UBE2O: variants seen among roughly 807,000 people sequenced by gnomAD.
The protein encoded by UBE2O is ubiquitin conjugating enzyme E2 O, also known as (E3-independent) E2 ubiquitin-conjugating enzyme.
Under a neutral mutation model 125.8 loss-of-function variants are expected in UBE2O, and 15 were observed. That is an observed-to-expected ratio of 0.12 (90% CI 0.08 to 0.18). The LOEUF (loss-of-function observed/expected upper bound fraction) is 0.18. UBE2O is among the 10% of genes least tolerant of loss of function. The pLI is 1.00. For synonymous variants in UBE2O, 708 were observed against 703.2 expected, an observed-to-expected ratio of 1.01 and a Z score of -0.11; for missense variants, 1,280 against 1,723.6, an observed-to-expected ratio of 0.74 and a Z score of 4.56.
In UBE2O at chr17:76,452,686, C is replaced by G; in HGVS notation, c.417+39G>C. On this transcript the variant is annotated intron_variant, in intron 1 of 17. Transcript: ENST00000319380. The surrounding 1 kb of genome is among the most constrained non-coding windows in gnomAD (Gnocchi z 4.4). ...CCCTGGCCTCGGCCCGGCCGCCGAC[C>G]CCCTGCCGCCCGCGCCGCCCAGCCC... 7.4e-7 allele frequency: 1 copy of G among 1,348,512 alleles called. No homozygotes were observed. The allele number at this position is 1,348,512 out of a possible 1,614,324, so 83.5% of individuals were successfully genotyped here.
intron 1 of UBE2O, among the ~76,000 whole-genome samples, chr17:76,424,864 T>A (rs76520700): frequency 2.3e-4 from 34 of 150,476 alleles, no homozygotes; most frequent in African/African-American, 6.8e-4. Flanking sequence ...TTTTTTTTTA[T>A]TTTTTATTTT....
In UBE2O at chr17:76,399,915, G is replaced by C. The variant is rs770891960; in HGVS notation, c.1162C>G (p.Arg388Gly). 9 of 1,600,512 alleles carry C rather than the reference G, an allele frequency of 5.6e-6. No homozygotes were observed. ...GEGSMAKKVK[R>G]LLKKQVVRIM... ...CGCACAACCTGCTTCTTCAACAGGC[G>C]CTTCACCTGCAAGGGCGGAGCAGAG... The change falls in exon 9 of 18, where the codon CGC (arginine) becomes GGC (glycine). Residue 388 changes from arginine (R) to glycine (G), a missense_variant. By Grantham distance (125) the Arg-to-Gly change is moderately radical. Around this residue, in one of 10 missense-constraint regions of UBE2O, gnomAD observed 141 missense variants for 141.3 expected, o/e 1.00. Coordinates refer to ENST00000319380, the MANE Select transcript of UBE2O (RefSeq NM_022066.4). This position sits in a 1 kb window ranked among gnomAD's most constrained non-coding sequence, Gnocchi z 6.9.
intron 1 of UBE2O, among the ~76,000 whole-genome samples, chr17:76,413,414 A>G (rs941763035): frequency 6.6e-6 from 1 of 152,302 alleles, no homozygotes; most frequent in Admixed American, 6.5e-5. Flanking sequence ...AGTGGGTTAT[A>G]GAACCAATTT....
rs760107639 is a variant in UBE2O at position 76,399,598 on chromosome 17, C to A, written c.1479G>T (p.Ser493=). 1 of 1,614,156 alleles carries A rather than the reference C, an allele frequency of 6.2e-7. No individual in the cohort carries two copies. The highest frequency in any genetic ancestry group is 8.5e-7 in the Non-Finnish European group (1 of 1,180,020). Reference sequence around the variant, plus strand: ...TGGTGGAGCTGGCAGAGGAGGTCACCGAACTGGTGTCGTCCGTGTCATCAG... The same window carrying A: ...TGGTGGAGCTGGCAGAGGAGGTCACAGAACTGGTGTCGTCCGTGTCATCAG... ...EAADDTDDTS[S]VTSSASSTTS... Residue 493 remains serine (S), a synonymous_variant, in exon 9 of 18, where the codon TCG becomes TCT. Transcript: ENST00000319380. The surrounding 1 kb of genome is among the most constrained non-coding windows in gnomAD (Gnocchi z 6.9).
In UBE2O at chr17:76,391,281, C is replaced by T. The variant is rs371045437; in HGVS notation, c.3541G>A (p.Gly1181Ser). Residue 1181 changes from glycine to serine, a missense_variant, in exon 18 of 18, where the codon GGC (glycine) becomes AGC (serine). Physicochemically the swap from Gly to Ser is moderately conservative, Grantham distance 56. Around this residue, in one of 10 missense-constraint regions of UBE2O, gnomAD observed 233 missense variants for 279.0 expected, o/e 0.84. Coordinates refer to ENST00000319380, the MANE Select transcript of UBE2O (RefSeq NM_022066.4). The surrounding 1 kb of genome is among the most constrained non-coding windows in gnomAD (Gnocchi z 8.4). The part of the protein sequence containing the change: ...PPAVAELSDS[G>S]QQEPEDGGPA... ...CCTCCATCCTCAGGTTCTTGTTGGC[C>T]GGAGTCTGACAGCTCGGCTACAGCT... 9.2e-5 allele frequency: 148 copies of T among 1,612,802 alleles called. 1 individual carries two copies. In the South Asian group the frequency reaches 9.4e-4, roughly 10 times the overall value.
At position 76,389,920 on chromosome 17, in the gene UBE2O, C is replaced by T. The variant is rs1215093515; in HGVS notation, c.*1023G>A. 5 of 152,682 alleles carry T rather than the reference C, an allele frequency of 3.3e-5. No homozygotes were observed. The highest frequency in any genetic ancestry group is 1.9e-4 in the East Asian group (1 of 5,194). 9.5% of individuals were successfully genotyped at this position (152,682 alleles called of 1,614,324 possible). On this transcript the variant is annotated 3_prime_UTR_variant, in exon 18 of 18. Transcript: ENST00000319380. ...TGCAATGTGCTCAACAGCATCCTCT[C>T]GGCCTGGAGCTTCACATTATCAAAA...
intron 1 of UBE2O, among the ~76,000 whole-genome samples, chr17:76,441,201 T>C (rs577339762): frequency 2.3e-4 from 35 of 152,246 alleles, no homozygotes; most frequent in Non-Finnish European, 3.8e-4. Context: ...CCATTGACAC[T>C]GGCTGGATAA....
intron 1 of UBE2O, among the ~76,000 whole-genome samples, chr17:76,422,268 T>G (rs2072724090): frequency 6.6e-6 from 1 of 152,156 alleles, no homozygotes; most frequent in South Asian, 2.1e-4. Flanking sequence ...ACGACCTAAA[T>G]GAACAACACG....
chr17:76,406,680 T>C (rs1196821785), intron 1 of UBE2O, among the ~76,000 whole-genome samples: 2 of 145,580 alleles, frequency 1.4e-5, no homozygotes, highest in Non-Finnish European at 1.5e-5. Context: ...TGGGAACTCA[T>C]GAGCCCAAGT....
chr17:76,416,100 TGC>T (rs1423054228), intron 1 of UBE2O, among the ~76,000 whole-genome samples: 2 of 151,418 alleles, frequency 1.3e-5, no homozygotes, highest in African/African-American at 4.9e-5. Flanking sequence ...TACATGTATA[TGC>T]GTATGTGTAT....
Position 76,416,419 on chromosome 17 carries a change from A to G in UBE2O, c.418-10847T>C, listed in dbSNP as rs139324747. ...TGCACACCCCCCAGAGAAACAGCTAAAAGGGACTGCATCCCTCTGAGCTGC... is the reference window on the plus strand; with the variant it reads ...TGCACACCCCCCAGAGAAACAGCTAGAAGGGACTGCATCCCTCTGAGCTGC... On this transcript the variant is annotated intron_variant, in intron 1 of 17. Coordinates refer to ENST00000319380, the MANE Select transcript of UBE2O (RefSeq NM_022066.4). Among the ~76,000 whole-genome samples the G allele has an allele frequency of 1.1e-3, 171 of 152,194 alleles. 1 individual carries two copies. Among genetic ancestry groups the G allele is most frequent in the Non-Finnish European group, 1.9e-3 (126 of 67,984 alleles).
intron 1 of UBE2O, among the ~76,000 whole-genome samples, chr17:76,448,488 G>C (rs1183110975): frequency 6.6e-6 from 1 of 152,166 alleles, no homozygotes; most frequent in Non-Finnish European, 1.5e-5. Context: ...CAATTCCCGA[G>C]GGACCTGTCA....
chr17:76,408,677 T>G (rs1434719658), intron 1 of UBE2O, among the ~76,000 whole-genome samples: 1 of 152,196 alleles, frequency 6.6e-6, no homozygotes, highest in Non-Finnish European at 1.5e-5. Flanking sequence ...CTAGGCACAG[T>G]TTGCCCTCCA....
rs2072300256 is a variant in UBE2O at position 76,400,448 on chromosome 17, G to T, written c.997C>A (p.Leu333Ile). 6.2e-7 allele frequency: 1 copy of T among 1,611,220 alleles called. No individual in the cohort carries two copies. Among genetic ancestry groups the T allele is most frequent in the South Asian group, 1.1e-5 (1 of 90,728 alleles). The stretch of plus-strand genomic sequence containing the variant: ...CAGTAAGGGCATGCTTACCTGCCTA[G>T]GTTTTCCTGGGTGATGACAGAGGGT... The part of the protein sequence containing the change: ...PPPSVITQEN[L>I]GRVKRLGCFD... Residue 333 changes from leucine (L) to isoleucine (I), a missense_variant, in exon 7 of 18, where the codon CTA (leucine) becomes ATA (isoleucine). Transcript: ENST00000319380. The surrounding 1 kb of genome is among the most constrained non-coding windows in gnomAD (Gnocchi z 4.3).
chr17:76,407,518 C>T (rs1046512287), intron 1 of UBE2O, among the ~76,000 whole-genome samples: 2 of 152,160 alleles, frequency 1.3e-5, no homozygotes, highest in Non-Finnish European at 2.9e-5. Context: ...GGGGGCTGCA[C>T]CATGTGTGGC....
intron 1 of UBE2O, among the ~76,000 whole-genome samples, chr17:76,441,673 T>C (rs1005467024): frequency 6.6e-6 from 1 of 152,228 alleles, no homozygotes; most frequent in Non-Finnish European, 1.5e-5. Flanking sequence ...TTCAGCCCAA[T>C]GGAATTAGGA....
At chr17:76,416,345 A>T (rs2072617230) in intron 1 of UBE2O, among the ~76,000 whole-genome samples, 1 of 152,100 alleles carries the variant, frequency 6.6e-6, no homozygotes, top group Non-Finnish European at 1.5e-5. Flanking sequence ...GCCCCATCCC[A>T]GACCTGCTGC....
chr17:76,437,700 C>G (rs182924623), intron 1 of UBE2O, among the ~76,000 whole-genome samples: 3 of 152,202 alleles, frequency 2.0e-5, no homozygotes, highest in Non-Finnish European at 4.4e-5. Context: ...ATTACAGGCA[C>G]GTGCCACTGT....
At position 76,392,080 on chromosome 17, in the gene UBE2O, G is replaced by A; in HGVS notation, c.2980C>T (p.Arg994Ter). 1 of 1,498,698 alleles carries A rather than the reference G, an allele frequency of 6.7e-7. No homozygotes were observed. The highest frequency in any genetic ancestry group is 8.9e-7 in the Non-Finnish European group (1 of 1,119,986). 92.8% of individuals were successfully genotyped at this position (1,498,698 alleles called of 1,614,324 possible). A position where few individuals can be genotyped will look rare whatever the true frequency, so the allele number is the denominator to read the frequency against. Residue 994 changes from arginine (R) to a stop codon, truncating the protein, a stop_gained, in exon 16 of 18, where the codon CGA becomes TGA. Transcript: ENST00000319380. LOFTEE classifies it high-confidence loss of function. Reference protein sequence around the residue: ...LFSALIKGPTRTPYEDGLYLF... With the variant: ...LFSALIKGPT ...TAGAGGCCATCCTCGTAGGGGGTTC[G>A]AGTGGGGCCCTTGATGAGAGCTGAG...
Sources: allele counts gnomAD v4.1 joint callset (sites outside exome capture counted in the v4.1 genomes callset), GRCh38; gene constraint gnomAD v4.1.1; regional missense constraint gnomAD v4.1.1; non-coding constraint Gnocchi (gnomAD v3.1); transcripts MANE v1.5; gene names NCBI Gene and HGNC (gene_info 2026-07-23, HGNC 2026-07-21).